The following TLE4 variants were observed in gnomAD, a reference collection of about 807,000 sequenced individuals.
TLE4 encodes TLE family member 4, transcriptional corepressor.
In TLE4, 8 loss-of-function variants were observed where a neutral mutation model predicts 92.8. That is an observed-to-expected ratio of 0.09 (90% CI 0.05 to 0.16). The LOEUF is 0.16. Ranked by LOEUF, TLE4 falls within the 10% of genes least tolerant of loss-of-function variation. The pLI is 1.00. For synonymous variants in TLE4, 371 were observed against 374.1 expected, an observed-to-expected ratio of 0.99 and a Z score of 0.10; for missense variants, 675 against 997.6, an observed-to-expected ratio of 0.68 and a Z score of 4.36.
intron 6 of TLE4, among the ~76,000 whole-genome samples, chr9:79,651,494 C>T (rs2058984901): frequency 6.6e-6 from 1 of 152,154 alleles, no homozygotes; most frequent in African/African-American, 2.4e-5. Flanking sequence ...CTCTTGTCAG[C>T]GCAGTTACTG....
intron 8 of TLE4, among the ~76,000 whole-genome samples, chr9:79,681,240 G>A (rs957067704): frequency 2.6e-5 from 4 of 152,114 alleles, no homozygotes; most frequent in Non-Finnish European, 4.4e-5. Context: ...TACTCTGGGG[G>A]AAATTATGTA....
chr9:79,649,259 G>GACAT (rs1164642909), intron 6 of TLE4, among the ~76,000 whole-genome samples: 2 of 109,742 alleles, frequency 1.8e-5, no homozygotes, highest in Non-Finnish European at 3.8e-5. Flanking sequence ...GACAGGGACG[G>GACAT]ACATACATAC....
At chr9:79,628,788 G>T (rs982924160) in intron 6 of TLE4, among the ~76,000 whole-genome samples, 1 of 151,888 alleles carries the variant, frequency 6.6e-6, no homozygotes, top group African/African-American at 2.4e-5. Context: ...AATACATTTC[G>T]CAATTGGTTT....
intron 8 of TLE4, among the ~76,000 whole-genome samples, chr9:79,669,170 A>T (rs1315966521): frequency 6.6e-6 from 1 of 152,180 alleles, no homozygotes; most frequent in Non-Finnish European, 1.5e-5. Flanking sequence ...GTATTGACTC[A>T]GAAGCTGAGG....
intron 4 of TLE4, 139 bp from the exon 5 acceptor site, chr9:79,612,517 T>A: frequency 1.4e-6 from 1 of 718,782 alleles, no homozygotes; most frequent in Non-Finnish European, 2.4e-6. Flanking sequence ...GGCTTACTGA[T>A]GAGATAGTTT....
chr9:79,709,466 T>C (rs561606939), intron 13 of TLE4, among the ~76,000 whole-genome samples, 157 bp from the exon 14 acceptor site: 21 of 152,320 alleles, frequency 1.4e-4, no homozygotes, highest in African/African-American at 5.0e-4. Flanking sequence ...TCCTAAACAT[T>C]GGTTATCATT....
At chr9:79,635,307 AGTTTT>A (rs1245155414) in intron 6 of TLE4, among the ~76,000 whole-genome samples, 1 of 149,576 alleles carries the variant, frequency 6.7e-6, no homozygotes, top group East Asian at 2.0e-4. Flanking sequence ...TTCATCAGTC[AGTTTT>A]ATTATTGAGT....
At chr9:79,715,422 G>C (rs539071103) in intron 14 of TLE4, among the ~76,000 whole-genome samples, 38 of 151,980 alleles carry the variant, frequency 2.5e-4, no homozygotes, top group Non-Finnish European at 4.7e-4. Flanking sequence ...CTCCTTGTCT[G>C]AACTGAAATC....
chr9:79,573,252 C>A (rs1020122867), intron 1 of TLE4: 1 of 1,016,234 alleles, frequency 9.8e-7, no homozygotes. Flanking sequence ...CGCGGGCCGC[C>A]GGGGCGAGCG....
At chr9:79,721,663 AATC>A in intron 16 of TLE4, 75 bp from the exon 17 acceptor site, 1 of 1,586,194 alleles carries the variant, frequency 6.3e-7, no homozygotes, top group East Asian at 2.3e-5. Context: ...ATTGAAATTG[AATC>A]ATCAAGGAAT....
At chr9:79,624,302 C>G (rs1027387868) in intron 5 of TLE4, among the ~76,000 whole-genome samples, 9 of 151,864 alleles carry the variant, frequency 5.9e-5, no homozygotes, top group African/African-American at 2.2e-4. Context: ...TTAATTTTCT[C>G]ACCTTCCCTG....
intron 4 of TLE4, among the ~76,000 whole-genome samples, chr9:79,593,516 T>G (rs1400027075): frequency 6.6e-6 from 1 of 152,260 alleles, no homozygotes; most frequent in Non-Finnish European, 1.5e-5. Context: ...GTGATTGTCC[T>G]TGTTCATGGA....
intron 14 of TLE4, among the ~76,000 whole-genome samples, chr9:79,714,038 A>G (rs766482043): frequency 3.3e-5 from 5 of 151,538 alleles, no homozygotes; most frequent in African/African-American, 7.3e-5. Context: ...GCTAATTTTT[A>G]TGTATTTTTA....
At chr9:79,637,690 A>T (rs907356561) in intron 6 of TLE4, among the ~76,000 whole-genome samples, 3 of 152,176 alleles carry the variant, frequency 2.0e-5, no homozygotes, top group Non-Finnish European at 4.4e-5. Context: ...TGTCTGTTGT[A>T]TCTTACTCTT....
chr9:79,604,510 A>G (rs920565016), intron 4 of TLE4, among the ~76,000 whole-genome samples: 1 of 152,134 alleles, frequency 6.6e-6, no homozygotes, highest in African/African-American at 2.4e-5. Flanking sequence ...TTGGAATTTT[A>G]TATAATTGGG....
chr9:79,621,674 A>G (rs1342351201), intron 5 of TLE4, among the ~76,000 whole-genome samples: 1 of 152,114 alleles, frequency 6.6e-6, no homozygotes, highest in Non-Finnish European at 1.5e-5. Flanking sequence ...CGCCATCCCA[A>G]TCTGCTCAGC....
intron 8 of TLE4, among the ~76,000 whole-genome samples, chr9:79,703,900 T>C (rs1414477353): frequency 6.6e-6 from 1 of 152,212 alleles, no homozygotes; most frequent in Non-Finnish European, 1.5e-5. Flanking sequence ...CTGCCATCTT[T>C]GGTTGCTCAA....
intron 4 of TLE4, among the ~76,000 whole-genome samples, chr9:79,606,187 G>GTTGTTTTTTTT (rs2046834923): frequency 2.1e-4 from 6 of 28,714 alleles, no homozygotes; most frequent in Non-Finnish European, 1.9e-4. Flanking sequence ...AGTAGTAGTT[G>GTTGTTTTTTTT]TTTTTTTTTT....
intron 4 of TLE4, among the ~76,000 whole-genome samples, chr9:79,580,732 A>T (rs913571654): frequency 6.6e-6 from 1 of 151,206 alleles, no homozygotes; most frequent in Admixed American, 6.6e-5. Context: ...TTTTTCAGAG[A>T]TAGGTATAAT....
Sources: gnomAD v4.1 joint callset for allele counts (sites outside exome capture counted in the v4.1 genomes callset) on GRCh38, gnomAD v4.1.1 for gene constraint, MANE v1.5 for transcripts, NCBI Gene and HGNC (gene_info 2026-07-23, HGNC 2026-07-21) for gene names.